MAP4: variants seen among roughly 807,000 people sequenced by gnomAD.
MAP4 encodes the protein microtubule associated protein 4, also known as microtubule-associated protein 4.
Under a neutral mutation model 170.2 loss-of-function variants are expected in MAP4, and 76 were observed. The ratio of observed to expected loss-of-function variants is 0.45; its 90% CI spans 0.37 to 0.54. The LOEUF (loss-of-function observed/expected upper bound fraction) is 0.54, where lower values mean the gene tolerates loss of function less well. MAP4 is among the 20% of genes least tolerant of loss of function. The pLI, the probability that MAP4 is intolerant of heterozygous loss-of-function variation, is 0.00. For synonymous variants in MAP4, 909 were observed against 994.5 expected (o/e 0.91, Z 1.62); for missense variants, 2,506 against 2,748.0 (o/e 0.91, Z 1.97).
Position 47,977,819 on chromosome 3 carries a change from G to T in MAP4, c.292+46C>A, listed in dbSNP as rs199627097. 30 of 1,275,548 alleles carry T rather than the reference G, an allele frequency of 2.4e-5. 1 individual carries two copies. The highest frequency in any genetic ancestry group is 7.3e-5 in the South Asian group (6 of 82,004). 79.0% of individuals were successfully genotyped at this position (1,275,548 alleles called of 1,614,324 possible). ...AAAGGAGATTATCAAGGTGTTCATT[G>T]TAAGTGCATCACCTACACATTTGGG... On this transcript the variant is annotated intron_variant, in intron 3 of 20. Transcript: ENST00000683076.
intron 2 of MAP4, among the ~76,000 whole-genome samples, chr3:47,993,140 C>T (rs2100093387): frequency 6.6e-6 from 1 of 152,058 alleles, no homozygotes; most frequent in Non-Finnish European, 1.5e-5. Context: ...CCAAACAAAT[C>T]AGTAGTTTAC....
chr3:48,032,876 C>G (rs2100116898), intron 1 of MAP4, among the ~76,000 whole-genome samples: 2 of 152,150 alleles, frequency 1.3e-5, no homozygotes, highest in South Asian at 4.1e-4. Flanking sequence ...TCTTAAAGTT[C>G]TACCACTGGT....
rs898445959 is a variant in MAP4 at position 47,851,480 on chromosome 3, C to G, written c.*1454G>C. The G allele has an allele frequency of 3.3e-5, 5 of 152,322 alleles. No homozygotes were observed. The highest frequency in any genetic ancestry group is 1.5e-5 in the Non-Finnish European group (1 of 68,032). The allele number at this position is 152,322 out of a possible 1,614,324, so 9.4% of individuals were successfully genotyped here. Reference sequence around the variant, plus strand: ...AGGAGGCCAAGTCTGGGGCAGCCTCCTCAGAGGCAAATCTACACTGCAGCC... The same window carrying G: ...AGGAGGCCAAGTCTGGGGCAGCCTCGTCAGAGGCAAATCTACACTGCAGCC... On this transcript the variant is annotated 3_prime_UTR_variant, in exon 21 of 21. Transcript: ENST00000683076.
intron 3 of MAP4, among the ~76,000 whole-genome samples, chr3:47,935,532 C>T (rs767492300): frequency 1.3e-5 from 2 of 152,036 alleles, no homozygotes; most frequent in African/African-American, 2.4e-5. Flanking sequence ...TCTATTTGGT[C>T]CTGGTGTTTT....
At position 47,875,873 on chromosome 3, in the gene MAP4, T is replaced by A. The variant is rs750349763; in HGVS notation, c.5569A>T (p.Thr1857Ser). 3 of 1,612,262 alleles carry A rather than the reference T, an allele frequency of 1.9e-6. No individual in the cohort carries two copies. The South Asian group carries it at 3.3e-5, about 18-fold the overall frequency. ...TGTGTTTTGGCTTTCGATGTTGAAGTCTTTGCAGGTTGAGTGGTGGCCAAA... is the reference window on the plus strand; with the variant it reads ...TGTGTTTTGGCTTTCGATGTTGAAGACTTTGCAGGTTGAGTGGTGGCCAAA... ...KPLATTQPAK[T>S]STSKAKTQPT... is the part of the protein sequence containing the mutation. The change falls in exon 12 of 21, where the codon ACT (threonine) becomes TCT (serine). Residue 1857 changes from threonine to serine, a missense_variant. This residue lies in a region of MAP4 where 2,008 missense variants were observed against 2,206.0 expected (regional missense o/e 0.91). Coordinates refer to ENST00000683076, the MANE Select transcript of MAP4 (RefSeq NM_001385682.1).
chr3:47,925,606 A>T (rs1467144901), intron 4 of MAP4, among the ~76,000 whole-genome samples: 5 of 152,218 alleles, frequency 3.3e-5, no homozygotes, highest in Admixed American at 6.5e-5. Context: ...CAGTATGCTA[A>T]GTGAAAAAAA....
chr3:47,902,804 C>A, intron 10 of MAP4, 146 bp downstream of exon 10: 2 of 187,636 alleles, frequency 1.1e-5, no homozygotes, highest in Non-Finnish European at 2.0e-5. Flanking sequence ...GGGTACTTCT[C>A]CAGTTGTAAA....
intron 10 of MAP4, among the ~76,000 whole-genome samples, chr3:47,880,633 T>C (rs990512038): frequency 3.3e-5 from 5 of 152,104 alleles, no homozygotes; most frequent in Admixed American, 1.3e-4. Flanking sequence ...ACCTGAATAA[T>C]TTACAAAAAA....
intron 12 of MAP4, among the ~76,000 whole-genome samples, chr3:47,873,997 T>C (rs1477381982): frequency 6.6e-6 from 1 of 152,174 alleles, no homozygotes; most frequent in African/African-American, 2.4e-5. Context: ...CTGAATAGGT[T>C]TTTCTCTCTC....
chr3:47,916,010 T>C lies in MAP4; in HGVS notation c.1817A>G (p.His606Arg), dbSNP rs1256085199. The C allele has an allele frequency of 5.6e-6, 9 of 1,614,226 alleles. No homozygotes were observed. The highest frequency in any genetic ancestry group is 7.6e-6 in the Non-Finnish European group (9 of 1,180,018). The change falls in exon 7 of 21, where the codon CAT (histidine) becomes CGT (arginine). Residue 606 changes from histidine (H) to arginine (R), a missense_variant. His to Arg is a conservative substitution (Grantham distance 29). Around this residue, in one of 3 missense-constraint regions of MAP4, gnomAD observed 2,008 missense variants for 2,206.0 expected, o/e 0.91. Transcript: ENST00000683076. ...QTQKGISEDSHLESLQDVGQS... is the reference protein window; with the variant it reads ...QTQKGISEDSRLESLQDVGQS... ...CCCCACATCCTGCAGAGATTCTAAA[T>C]GGGAATCCTCACTTATTCCTTTTTG...
intron 1 of MAP4, among the ~76,000 whole-genome samples, chr3:48,055,419 C>G (rs1290849679): frequency 1.3e-5 from 2 of 151,146 alleles, no homozygotes; most frequent in East Asian, 1.9e-4. Context: ...TTGGCCGGGC[C>G]GGTCTCCAGC....
In MAP4 at chr3:48,025,847, C is replaced by T. The variant is rs532961355; in HGVS notation, c.-19-26968G>A. Among the ~76,000 whole-genome samples, 5 of 150,794 alleles carry T rather than the reference C, an allele frequency of 3.3e-5. No homozygotes were observed. In the East Asian group the frequency reaches 7.9e-4, roughly 24 times the overall value. The stretch of plus-strand genomic sequence containing the variant: ...CCTGGAAGGCGGAGGTTGCAGTGAG[C>T]CGAGATCGTACCACTGCACTCCAGC... On this transcript the variant is annotated intron_variant, in intron 1 of 18. Coordinates refer to the MAP4 transcript ENST00000360240.
In MAP4 at chr3:47,911,923, C is replaced by A. The variant is rs1359754551; in HGVS notation, c.2498G>T (p.Arg833Met). ...TGCACTGGAGTTAACTAAACATTCC[C>A]TTTTCAAGTTTTCTCCAGATACAAG... ...YGLVSGENLK[R>M]ECLVNSSAAR... The change falls in exon 9 of 21, where the codon AGG becomes ATG. Residue 833 changes from arginine (R) to methionine (M), a missense_variant. By Grantham distance (91) the Arg-to-Met change is moderately conservative. Around this residue, in one of 3 missense-constraint regions of MAP4, gnomAD observed 2,008 missense variants for 2,206.0 expected, o/e 0.91. Coordinates refer to ENST00000683076, the MANE Select transcript of MAP4 (RefSeq NM_001385682.1). This position sits in a 1 kb window ranked among gnomAD's most constrained non-coding sequence, Gnocchi z 4.0. The A allele has an allele frequency of 6.5e-7, 1 of 1,536,058 alleles. No homozygotes were observed. The highest frequency in any genetic ancestry group is 2.4e-5 in the East Asian group (1 of 40,918).
intron 10 of MAP4, among the ~76,000 whole-genome samples, chr3:47,893,760 T>C (rs915274404): frequency 5.1e-5 from 7 of 136,250 alleles, no homozygotes; most frequent in African/African-American, 1.4e-4. Context: ...TTTAGATTGC[T>C]TTTTTTTTTT....
At chr3:47,948,982 C>T (rs78064988) in intron 3 of MAP4, among the ~76,000 whole-genome samples, 214 of 152,290 alleles carry the variant, frequency 1.4e-3, no homozygotes, top group African/African-American at 4.8e-3. Flanking sequence ...CAGAATTCTA[C>T]ATTAATCCAT....
At position 47,916,565 on chromosome 3, in the gene MAP4, G is replaced by A; in HGVS notation, c.1262C>T (p.Ala421Val). ...VLLSEIEVAQ[A>V]NDIISSTEIS... ...TTCTGTGGATGATATAATGTCATTA[G>A]CCTGTGCCACCTCTATTTCTGAGAG... Residue 421 changes from alanine (A) to valine (V), a missense_variant, in exon 7 of 21, where the codon GCT becomes GTT. Coordinates refer to ENST00000683076, the MANE Select transcript of MAP4 (RefSeq NM_001385682.1). 2 of 1,614,122 alleles carry A rather than the reference G, an allele frequency of 1.2e-6. No individual in the cohort carries two copies. The highest frequency in any genetic ancestry group is 1.7e-6 in the Non-Finnish European group (2 of 1,179,964).
intron 1 of MAP4, chr3:48,039,260 G>T (rs558449960): frequency 2.8e-4 from 42 of 152,642 alleles, no homozygotes; most frequent in African/African-American, 9.9e-4. Context: ...CCCCTCACGA[G>T]AACAGGCCTC....
intron 3 of MAP4, among the ~76,000 whole-genome samples, chr3:47,967,240 G>A (rs1410316353): frequency 6.6e-6 from 1 of 152,208 alleles, no homozygotes; most frequent in Non-Finnish European, 1.5e-5. Flanking sequence ...GAAGGCTGAG[G>A]CAGGAGAATT....
chr3:47,911,923 C>T lies in MAP4; in HGVS notation c.2498G>A (p.Arg833Lys). 1 of 1,536,058 alleles carries T rather than the reference C, an allele frequency of 6.5e-7. No individual in the cohort carries two copies. Among genetic ancestry groups the T allele is most frequent in the South Asian group, 1.2e-5 (1 of 84,046 alleles). ...YGLVSGENLK[R>K]ECLVNSSAAR... ...TGCACTGGAGTTAACTAAACATTCC[C>T]TTTTCAAGTTTTCTCCAGATACAAG... The change falls in exon 9 of 21, where the codon AGG becomes AAG. Residue 833 changes from arginine to lysine, a missense_variant. Physicochemically the swap from Arg to Lys is conservative, Grantham distance 26. Transcript: ENST00000683076. The surrounding 1 kb of genome is among the most constrained non-coding windows in gnomAD (Gnocchi z 4.0).
Sources: gnomAD v4.1 joint callset for allele counts (sites outside exome capture counted in the v4.1 genomes callset) on GRCh38, gnomAD v4.1.1 for gene constraint, gnomAD v4.1.1 regional missense constraint, Gnocchi (gnomAD v3.1) non-coding constraint, MANE v1.5 for transcripts, NCBI Gene and HGNC (gene_info 2026-07-23, HGNC 2026-07-21) for gene names.